SPIDR: variants seen among roughly 807,000 people sequenced by gnomAD.
SPIDR encodes scaffold protein involved in DNA repair, also known as DNA repair-scaffolding protein.
In SPIDR, 93 loss-of-function variants were observed where a neutral mutation model predicts 104.6. That is an observed-to-expected ratio of 0.89 (90% CI 0.75 to 1.06). The LOEUF (loss-of-function observed/expected upper bound fraction) is 1.06, where lower values mean the gene tolerates loss of function less well. Among genes scored for constraint, SPIDR ranks in the 50% least tolerant of loss-of-function variants. SPIDR has a pLI of 0.00. For missense variants in SPIDR, 1,154 were observed against 1,111.2 expected, an observed-to-expected ratio of 1.04 and a Z score of -0.55; for synonymous variants, 431 against 416.9, an observed-to-expected ratio of 1.03 and a Z score of -0.41.
intron 5 of SPIDR, among the ~76,000 whole-genome samples, chr8:47,330,546 C>G (rs2048483914): frequency 6.6e-6 from 1 of 152,212 alleles, no homozygotes; most frequent in South Asian, 2.1e-4. Flanking sequence ...CTCGAAACCA[C>G]TGATCTTTTT....
chr8:47,551,875 T>G (rs1440948176), intron 8 of SPIDR, among the ~76,000 whole-genome samples: 7 of 152,238 alleles, frequency 4.6e-5, no homozygotes, highest in Admixed American at 6.5e-5. Flanking sequence ...GGTGTCAATT[T>G]TAGAACTTTC....
chr8:47,484,241 A>T (rs1378342612), intron 8 of SPIDR, among the ~76,000 whole-genome samples: 2 of 152,268 alleles, frequency 1.3e-5, no homozygotes. Context: ...AATAGAAGCA[A>T]TCATAGCAAT....
intron 1 of SPIDR, among the ~76,000 whole-genome samples, chr8:47,270,530 C>T (rs112421592): frequency 0.028 from 4,292 of 152,052 alleles, 212 homozygotes; most frequent in African/African-American, 0.096. Context: ...TTCTCTTCCC[C>T]GCCCCCAAAC....
At chr8:47,449,798 C>T (rs187342576) in intron 8 of SPIDR, among the ~76,000 whole-genome samples, 17 of 152,302 alleles carry the variant, frequency 1.1e-4, no homozygotes, top group Admixed American at 2.0e-4. Context: ...AGTTAGATGA[C>T]GCTTTTCAAT....
intron 8 of SPIDR, among the ~76,000 whole-genome samples, chr8:47,568,905 G>A (rs1247921733): frequency 6.6e-6 from 1 of 152,080 alleles, no homozygotes; most frequent in Non-Finnish European, 1.5e-5. Context: ...TAATCACATT[G>A]AATGTAAATG....
chr8:47,514,944 G>A (rs1490012368), intron 8 of SPIDR, among the ~76,000 whole-genome samples: 2 of 152,154 alleles, frequency 1.3e-5, no homozygotes, highest in African/African-American at 2.4e-5. Flanking sequence ...TGAGGAATTT[G>A]AATGGCTATT....
chr8:47,264,587 C>T (rs2033455138), intron 1 of SPIDR, among the ~76,000 whole-genome samples: 1 of 151,928 alleles, frequency 6.6e-6, no homozygotes, highest in East Asian at 1.9e-4. Context: ...CCAAGGACGA[C>T]CACATATACT....
rs1266740480 is a variant in SPIDR, at chr8:47,658,044, A to AAAAAG, written c.1545-15753_1545-15752insGAAAA. On this transcript the variant is annotated intron_variant, in intron 10 of 19. Transcript: ENST00000297423. The stretch of plus-strand genomic sequence containing the variant: ...GACCCTGTCTCAAAAAAAAAAAAAA[A>AAAAAG]AAAAAGAAAAAGAAAAAGAAAAAAA... Among the ~76,000 whole-genome samples the AAAAAG allele has an allele frequency of 8.2e-3, 1,201 of 145,660 alleles. 9 individuals are homozygous for AAAAAG. The highest frequency in any genetic ancestry group is 0.046 in the East Asian group (215 of 4,718).
chr8:47,309,561 T>C (rs1260693705), intron 5 of SPIDR, among the ~76,000 whole-genome samples: 1 of 152,232 alleles, frequency 6.6e-6, no homozygotes, highest in African/African-American at 2.4e-5. Context: ...TTTGTCAGAT[T>C]GTTCCTTTTC....
intron 10 of SPIDR, among the ~76,000 whole-genome samples, chr8:47,651,454 T>C (rs1367139652): frequency 6.6e-6 from 1 of 152,100 alleles, no homozygotes; most frequent in Non-Finnish European, 1.5e-5. Context: ...AAACAATAGA[T>C]ACTGGAACGG....
intron 5 of SPIDR, among the ~76,000 whole-genome samples, chr8:47,391,719 G>A (rs1261418701): frequency 2.0e-5 from 3 of 151,898 alleles, no homozygotes; most frequent in African/African-American, 2.4e-5. Flanking sequence ...AAAAAAGGCC[G>A]GGCGTGGTGG....
intron 10 of SPIDR, among the ~76,000 whole-genome samples, chr8:47,631,816 T>C (rs1342048669): frequency 6.6e-6 from 1 of 152,222 alleles, no homozygotes; most frequent in South Asian, 2.1e-4. Context: ...AGACCAACAT[T>C]GAGAATTCAG....
chr8:47,423,744 T>C (rs570894849), intron 7 of SPIDR, among the ~76,000 whole-genome samples: 2 of 152,350 alleles, frequency 1.3e-5, no homozygotes, highest in Admixed American at 1.3e-4. Context: ...AGGCCTTGGC[T>C]GGGTTTCACT....
At chr8:47,325,294 AT>A (rs1380679010) in intron 5 of SPIDR, among the ~76,000 whole-genome samples, 2 of 152,174 alleles carry the variant, frequency 1.3e-5, no homozygotes, top group Non-Finnish European at 2.9e-5. Context: ...TGGTTGCTTG[AT>A]TTGGAAAGCA....
chr8:47,486,723 A>G (rs939968115), intron 8 of SPIDR, among the ~76,000 whole-genome samples: 18 of 152,356 alleles, frequency 1.2e-4, no homozygotes, highest in African/African-American at 4.3e-4. Context: ...AGAATTTTCA[A>G]CCCAGAATTT....
In SPIDR at chr8:47,482,981, C is replaced by T. The variant is rs569490811; in HGVS notation, c.1097+42439C>T. Among the ~76,000 whole-genome samples, 102 of 152,274 alleles carry T rather than the reference C, an allele frequency of 6.7e-4. 1 individual carries two copies. Among genetic ancestry groups the T allele is most frequent in the African/African-American group, 2.4e-3 (98 of 41,560 alleles). The stretch of plus-strand genomic sequence containing the variant: ...ACCCTGTAAAATTCCCACTTGCTGG[C>T]TGCCCCCTCCCCAAGGAAAGGCCGC... On this transcript the variant is annotated intron_variant, in intron 8 of 19. Coordinates refer to ENST00000297423, the MANE Select transcript of SPIDR (RefSeq NM_001080394.4).
intron 5 of SPIDR, among the ~76,000 whole-genome samples, chr8:47,333,187 T>A (rs1423878577): frequency 2.6e-5 from 4 of 152,192 alleles, no homozygotes; most frequent in Admixed American, 1.3e-4. Flanking sequence ...AGCTGTCATC[T>A]TGTATGATAT....
At chr8:47,361,767 G>A (rs2056015242) in intron 5 of SPIDR, among the ~76,000 whole-genome samples, 1 of 152,160 alleles carries the variant, frequency 6.6e-6, no homozygotes. Context: ...GGGGAGATGA[G>A]GAATGTAAGA....
chr8:47,440,384 A>C lies in SPIDR; in HGVS notation c.939A>C (p.Gln313His). The C allele has an allele frequency of 1.2e-6, 2 of 1,614,236 alleles. No individual in the cohort carries two copies. Among genetic ancestry groups the C allele is most frequent in the Non-Finnish European group, 1.7e-6 (2 of 1,180,030 alleles). The change falls in exon 8 of 20, where the codon CAA (glutamine) becomes CAC (histidine). Residue 313 changes from glutamine to histidine, a missense_variant. By Grantham distance (24) the Gln-to-His change is conservative. Coordinates refer to ENST00000297423, the MANE Select transcript of SPIDR (RefSeq NM_001080394.4). ...ILELHEECAM[Q>H]VAMCEQLLGS... is the part of the protein sequence containing the mutation. Reference sequence around the variant, plus strand: ...AGCTGCATGAGGAATGTGCCATGCAAGTTGCCATGTGTGAGCAGTTATTGG... The same window carrying C: ...AGCTGCATGAGGAATGTGCCATGCACGTTGCCATGTGTGAGCAGTTATTGG...
Sources: gnomAD v4.1 joint callset for allele counts (sites outside exome capture counted in the v4.1 genomes callset) on GRCh38, gnomAD v4.1.1 for gene constraint, MANE v1.5 for transcripts, NCBI Gene and HGNC (gene_info 2026-07-23, HGNC 2026-07-21) for gene names.